The following RAB40C variants were observed in gnomAD, a reference collection of about 807,000 sequenced individuals.
The protein encoded by RAB40C is ras-related protein Rab-40C.
A neutral mutation model predicts 28.1 loss-of-function variants in RAB40C; 8 were observed. The observed-to-expected ratio is 0.28, with a 90% CI of 0.17 to 0.51. RAB40C has a LOEUF of 0.51. RAB40C is among the 20% of genes least tolerant of loss of function. RAB40C has a pLI of 0.97. For missense variants in RAB40C, 288 were observed against 405.9 expected (o/e 0.71, Z 2.50); for synonymous variants, 201 against 171.7 (o/e 1.17, Z -1.34).
At chr16:593,252 C>T (rs2036040034) in intron 1 of RAB40C, among the ~76,000 whole-genome samples, 1 of 152,230 alleles carries the variant, frequency 6.6e-6, no homozygotes, top group Non-Finnish European at 1.5e-5. Context: ...CTGAGGGTTT[C>T]CCAAGGGGGC....
chr16:616,873 C>T lies in RAB40C; in HGVS notation c.143-335C>T. 5 of 353,712 alleles carry T rather than the reference C, an allele frequency of 1.4e-5. No homozygotes were observed. In the South Asian group the frequency reaches 1.4e-4, roughly 10 times the overall value. The allele number at this position is 353,712 out of a possible 1,614,324, so 21.9% of individuals were successfully genotyped here. A position where few individuals can be genotyped will look rare whatever the true frequency, so the allele number is the denominator to read the frequency against. On this transcript the variant is annotated intron_variant, in intron 1 of 5. Coordinates refer to ENST00000248139, the MANE Select transcript of RAB40C (RefSeq NM_021168.5). ...GAGAGGCCCTGTGCCTTGCACCCAGCGCGGGCCACAGGCGGAGGCCCCATT... is the reference window on the plus strand; with the variant it reads ...GAGAGGCCCTGTGCCTTGCACCCAGTGCGGGCCACAGGCGGAGGCCCCATT...
chr16:624,815 G>T, intron 3 of RAB40C: 2 of 985,452 alleles, frequency 2.0e-6, no homozygotes, highest in Non-Finnish European at 2.4e-6. Flanking sequence ...GCTCCCCTGT[G>T]CTGCTGGAGA....
Position 625,104 on chromosome 16 carries a change from C to A in RAB40C, c.265-328C>A, listed in dbSNP as rs1444238663. On this transcript the variant is annotated intron_variant, in intron 3 of 5. Coordinates refer to ENST00000248139, the MANE Select transcript of RAB40C (RefSeq NM_021168.5). ...CCGAGAGGACACTTAGCTTCCACAG[C>A]TGCACGTCCCCCGGCTGCCAGAACC... 2.3e-6 allele frequency: 3 copies of A among 1,317,526 alleles called. No individual in the cohort carries two copies. The South Asian group carries it at 3.7e-5, about 16-fold the overall frequency. 81.6% of individuals were successfully genotyped at this position (1,317,526 alleles called of 1,614,324 possible).
In RAB40C at chr16:625,949, C is replaced by T. The variant is rs1282626712; in HGVS notation, c.393C>T (p.Ala131=). Residue 131 remains alanine, a synonymous_variant, in exon 5 of 6, where the codon GCC becomes GCT. Coordinates refer to ENST00000248139, the MANE Select transcript of RAB40C (RefSeq NM_021168.5). The part of the protein sequence containing the change: ...RILVGNRLHL[A]FKRQVPTEQA... ...TGGTTGGAAACCGGCTGCACCTGGC[C>T]TTCAAGCGGCAGGTCCCGACGGAGC... The T allele has an allele frequency of 1.2e-6, 2 of 1,613,306 alleles. No homozygotes were observed. Among genetic ancestry groups the T allele is most frequent in the Middle Eastern group, 1.6e-4 (1 of 6,062 alleles).
At chr16:597,935 T>A in intron 1 of RAB40C, among the ~76,000 whole-genome samples, 1 of 15,012 alleles carries the variant, frequency 6.7e-5, no homozygotes, top group African/African-American at 3.1e-4. Context: ...ACCCCATCTC[T>A]ACAAAAAAAA....
At chr16:624,749 G>A (rs1393793433) in intron 3 of RAB40C, 21 of 985,328 alleles carry the variant, frequency 2.1e-5, no homozygotes, top group Non-Finnish European at 2.5e-5. Context: ...GGGCATAGGG[G>A]AATGGGCCTG....
At chr16:624,420 C>T in intron 3 of RAB40C, 1 of 985,480 alleles carries the variant, frequency 1.0e-6, no homozygotes, top group Admixed American at 6.1e-5. Context: ...GGGTCTCCCT[C>T]AGCGAGAGGT....
intron 3 of RAB40C, among the ~76,000 whole-genome samples, chr16:619,708 T>G (rs55798945): frequency 0.29 from 44,000 of 152,072 alleles, 6,987 homozygotes; most frequent in African/African-American, 0.38. Context: ...GGATCCTTCT[T>G]GGGGGAAGGT....
chr16:611,878 C>T (rs1279257398), intron 1 of RAB40C, among the ~76,000 whole-genome samples: 22 of 31,012 alleles, frequency 7.1e-4, no homozygotes, highest in Non-Finnish European at 1.0e-3. Context: ...ACGGGACAGC[C>T]GCCCTGGCCT....
chr16:623,800 C>A, intron 3 of RAB40C: 1 of 256,944 alleles, frequency 3.9e-6, no homozygotes, highest in Non-Finnish European at 6.1e-6. Flanking sequence ...TTTAAAAAAA[C>A]TTAGCCAGAT....
intron 1 of RAB40C, among the ~76,000 whole-genome samples, chr16:590,717 G>C (rs1485693897): frequency 6.6e-6 from 1 of 152,176 alleles, no homozygotes; most frequent in African/African-American, 2.4e-5. Context: ...GATCTCAGGG[G>C]AAGGTGTCAT....
intron 1 of RAB40C, chr16:596,579 C>T (rs988864192): frequency 1.9e-5 from 6 of 322,144 alleles, no homozygotes; most frequent in Non-Finnish European, 3.0e-5. Flanking sequence ...AGAACGCTGC[C>T]GAACCACTGT....
chr16:624,223 G>T, intron 3 of RAB40C: 1 of 985,406 alleles, frequency 1.0e-6, no homozygotes, highest in Non-Finnish European at 1.2e-6. Context: ...TGCCACTAGG[G>T]AGAGTGGGCT....
chr16:609,856 G>A (rs2151070509), intron 1 of RAB40C, among the ~76,000 whole-genome samples: 1 of 152,308 alleles, frequency 6.6e-6, no homozygotes, highest in Middle Eastern at 3.4e-3. Context: ...TGGAGGGCGG[G>A]AGCTGTGTGC....
intron 3 of RAB40C, 108 bp downstream of exon 3, chr16:618,368 TA>T: frequency 8.9e-7 from 1 of 1,117,496 alleles, no homozygotes; most frequent in Non-Finnish European, 1.3e-6. Context: ...TCTTTCTTTA[TA>T]AGGATATTCT....
At position 590,255 on chromosome 16, in the gene RAB40C, C is replaced by G. The variant is rs1378819548; in HGVS notation, c.-37C>G. 5 of 1,398,094 alleles carry G rather than the reference C, an allele frequency of 3.6e-6. No homozygotes were observed. Among genetic ancestry groups the G allele is most frequent in the African/African-American group, 1.5e-5 (1 of 65,804 alleles). 86.6% of individuals were successfully genotyped at this position (1,398,094 alleles called of 1,614,324 possible). A position where few individuals can be genotyped will look rare whatever the true frequency, so the allele number is the denominator to read the frequency against. On this transcript the variant is annotated 5_prime_UTR_variant, in exon 1 of 6. Transcript: ENST00000248139. ...GCCGCGGCCTCACCCGGCGGTGCTT[C>G]GGCAGGCGGCCGGCGCGGGGCGCAG...
chr16:615,005 CT>C (rs1339128997), intron 1 of RAB40C, among the ~76,000 whole-genome samples: 2 of 152,238 alleles, frequency 1.3e-5, no homozygotes, highest in Non-Finnish European at 2.9e-5. Context: ...AGCCGTGGCC[CT>C]TTTGGCACAA....
At position 624,630 on chromosome 16, in the gene RAB40C, C is replaced by T. The variant is rs897984538; in HGVS notation, c.265-802C>T. 20 of 985,332 alleles carry T rather than the reference C, an allele frequency of 2.0e-5. No homozygotes were observed. The African/African-American group carries it at 2.8e-4, about 14-fold the overall frequency. The allele number at this position is 985,332 out of a possible 1,614,324, so 61.0% of individuals were successfully genotyped here. Reference sequence around the variant, plus strand: ...CAGCCTCAGCCTCTTGTGTGATAGGCTCTTCCATTACGTGAAGGTTTTGTC... The same window carrying T: ...CAGCCTCAGCCTCTTGTGTGATAGGTTCTTCCATTACGTGAAGGTTTTGTC... On this transcript the variant is annotated intron_variant, in intron 3 of 5. Transcript: ENST00000248139.
intron 3 of RAB40C, 33 bp downstream of exon 3, chr16:618,293 C>T (rs1308483707): frequency 6.4e-7 from 1 of 1,572,348 alleles, no homozygotes; most frequent in East Asian, 2.3e-5. Flanking sequence ...CATTGCTTTT[C>T]AAAGGATGTT....
Sources: gnomAD v4.1 joint callset for allele counts (sites outside exome capture counted in the v4.1 genomes callset) on GRCh38, gnomAD v4.1.1 for gene constraint, MANE v1.5 for transcripts, NCBI Gene and HGNC (gene_info 2026-07-23, HGNC 2026-07-21) for gene names.